The following WDR49 variants were observed in gnomAD, a reference collection of about 807,000 sequenced individuals.
The protein encoded by WDR49 is cilia- and flagella-associated protein 337.
In WDR49, 107 loss-of-function variants were observed where a neutral mutation model predicts 119.5. The ratio of observed to expected loss-of-function variants is 0.90; its 90% CI spans 0.77 to 1.05. WDR49 has a LOEUF of 1.05. Ranked by LOEUF, WDR49 falls within the 50% of genes least tolerant of loss-of-function variation. The probability of loss-of-function intolerance (pLI) is 0.00; values close to 1 mark genes in which losing one functional copy is unlikely to be tolerated. For synonymous variants in WDR49, 425 were observed against 418.8 expected (o/e 1.01, Z -0.18); for missense variants, 1,240 against 1,220.5 (o/e 1.02, Z -0.24).
chr3:167,577,527 T>C (rs1276091957), intron 7 of WDR49, among the ~76,000 whole-genome samples: 1 of 152,140 alleles, frequency 6.6e-6, no homozygotes, highest in Non-Finnish European at 1.5e-5. Flanking sequence ...CAATAAGTTT[T>C]TTTTTTAATC....
In WDR49 at chr3:167,499,932, C is replaced by A. The variant is rs149939351; in HGVS notation, c.3031+221G>T. On this transcript the variant is annotated intron_variant, in intron 18 of 18. Transcript: ENST00000682715. ...TGGCATTCTAACTTCAGAAAAGGAA[C>A]AAAATAAAAATATTCATTTCATATA... 2.4e-4 allele frequency among the ~76,000 whole-genome samples: 37 copies of A among 152,212 alleles called. No individual in the cohort carries two copies. The East Asian group carries it at 7.0e-3, about 29-fold the overall frequency.
chr3:167,554,629 TA>T lies in WDR49; in HGVS notation c.1823+20del. On this transcript the variant is annotated intron_variant, in intron 10 of 18. Transcript: ENST00000682715. ...TTTTTCTTTTAGATTTTGATTAAAA[TA>T]AAAACATTCTCCTTTTTACCTTCCT... 7.1e-7 allele frequency: 1 copy of T among 1,406,696 alleles called. No homozygotes were observed. Among genetic ancestry groups the T allele is most frequent in the African/African-American group, 1.5e-5 (1 of 68,604 alleles). 87.1% of individuals were successfully genotyped at this position (1,406,696 alleles called of 1,614,324 possible).
intron 2 of WDR49, among the ~76,000 whole-genome samples, chr3:167,629,330 T>A (rs551062814): frequency 1.3e-5 from 2 of 152,254 alleles, no homozygotes; most frequent in Admixed American, 1.3e-4. Flanking sequence ...ATACATGGTT[T>A]ACTGAATATA....
chr3:167,507,912 C>T (rs1360802474), intron 16 of WDR49, among the ~76,000 whole-genome samples: 1 of 151,972 alleles, frequency 6.6e-6, no homozygotes, highest in East Asian at 1.9e-4. Context: ...GGCAAATATT[C>T]TCAAGAGGAG....
At chr3:167,566,309 G>C (rs1713593117) in intron 8 of WDR49, among the ~76,000 whole-genome samples, 1 of 152,080 alleles carries the variant, frequency 6.6e-6, no homozygotes, top group African/African-American at 2.4e-5. Flanking sequence ...TACATTATTT[G>C]TAACAAAAAC....
intron 7 of WDR49, among the ~76,000 whole-genome samples, chr3:167,600,735 A>T (rs949841871): frequency 1.3e-5 from 2 of 152,244 alleles, no homozygotes; most frequent in African/African-American, 4.8e-5. Flanking sequence ...GACTTCAAAA[A>T]GTCTAAAATG....
chr3:167,500,111 C>T, intron 18 of WDR49, 42 bp downstream of exon 18: 1 of 1,488,952 alleles, frequency 6.7e-7, no homozygotes, highest in African/African-American at 1.4e-5. Context: ...ACTAAGTTTC[C>T]TGAAGAGGGA....
intron 9 of WDR49, among the ~76,000 whole-genome samples, chr3:167,557,064 G>A (rs1712976687): frequency 6.6e-6 from 1 of 151,938 alleles, no homozygotes; most frequent in Admixed American, 6.6e-5. Context: ...GAGCATGGTG[G>A]TGCACACCTG....
At chr3:167,605,027 T>C (rs1396998493) in intron 5 of WDR49, among the ~76,000 whole-genome samples, 2 of 151,558 alleles carry the variant, frequency 1.3e-5, no homozygotes, top group Non-Finnish European at 2.9e-5. Flanking sequence ...TGTGTGTGTG[T>C]GTGTGTGTGT....
rs533745051 is a variant in WDR49 at position 167,525,058 on chromosome 3, T to G, written c.2605-2574A>C. On this transcript the variant is annotated intron_variant, in intron 15 of 18. Transcript: ENST00000682715. ...CATGAGCATGGAGTGTTTTTCCATT[T>G]GTTTGTGTCCTCCCTGATTTCCTTG... 1.3e-5 allele frequency among the ~76,000 whole-genome samples: 2 copies of G among 152,300 alleles called. 1 individual carries two copies. Among genetic ancestry groups the G allele is most frequent in the South Asian group, 4.1e-4 (2 of 4,826 alleles).
chr3:167,559,670 AAGTTT>A (rs1713145468), intron 9 of WDR49, among the ~76,000 whole-genome samples: 1 of 152,196 alleles, frequency 6.6e-6, no homozygotes, highest in Non-Finnish European at 1.5e-5. Flanking sequence ...CCATTTTTTA[AAGTTT>A]AGTTAAGTGT....
rs1718500855 is a variant in WDR49, at chr3:167,653,845, T to G, written c.-86A>C. On this transcript the variant is annotated 5_prime_UTR_variant, in exon 1 of 19. Transcript: ENST00000682715. ...TCTCTTTAACTAACCTTGCTTCCAT[T>G]AACATGTTGTAGTTTTCAATTCCAC... 6.4e-6 allele frequency: 1 copy of G among 155,200 alleles called. No individual in the cohort carries two copies. Among genetic ancestry groups the G allele is most frequent in the Non-Finnish European group, 1.4e-5 (1 of 69,946 alleles). 9.6% of individuals were successfully genotyped at this position (155,200 alleles called of 1,614,324 possible).
rs1470739135 is a variant in WDR49 at position 167,521,969 on chromosome 3, GATAGAT to G, written c.2774+340_2774+345del. On this transcript the variant is annotated intron_variant, in intron 16 of 18. Coordinates refer to ENST00000682715, the MANE Select transcript of WDR49 (RefSeq NM_001366157.1). Reference sequence around the variant, plus strand: ...AAAATCTGATACACATTCTAAGATAGATAGATAGATAGATAGATAGATAGATAGATA... The same window carrying G: ...AAAATCTGATACACATTCTAAGATAGAGATAGATAGATAGATAGATAGATA... Among the ~76,000 whole-genome samples, 6 of 80,064 alleles carry G rather than the reference GATAGAT, an allele frequency of 7.5e-5. No individual in the cohort carries two copies. The East Asian group carries it at 3.0e-3, about 40-fold the overall frequency. The allele number at this position is 80,064 out of a possible 152,430, so 52.5% of individuals were successfully genotyped here.
At chr3:167,520,078 A>AGTGT (rs1278824971) in intron 16 of WDR49, among the ~76,000 whole-genome samples, 6 of 107,348 alleles carry the variant, frequency 5.6e-5, no homozygotes. Flanking sequence ...TAAAGAAAAA[A>AGTGT]ATGTGTGTGT....
At chr3:167,642,223 C>T (rs1414256504) in intron 2 of WDR49, among the ~76,000 whole-genome samples, 1 of 151,830 alleles carries the variant, frequency 6.6e-6, no homozygotes, top group Non-Finnish European at 1.5e-5. Context: ...TACACAACCA[C>T]ACAGTAAGAG....
At chr3:167,640,037 C>T (rs1422337837) in intron 2 of WDR49, among the ~76,000 whole-genome samples, 2 of 151,786 alleles carry the variant, frequency 1.3e-5, no homozygotes, top group African/African-American at 4.8e-5. Flanking sequence ...TTTATTATTT[C>T]CCTTCCCTTC....
At chr3:167,635,375 G>A (rs1717562948) in intron 2 of WDR49, among the ~76,000 whole-genome samples, 1 of 151,688 alleles carries the variant, frequency 6.6e-6, no homozygotes, top group Admixed American at 6.6e-5. Flanking sequence ...TCGATTGGTT[G>A]CTAAAGTATA....
intron 7 of WDR49, among the ~76,000 whole-genome samples, chr3:167,594,141 A>G (rs770186681): frequency 6.6e-6 from 1 of 152,202 alleles, no homozygotes; most frequent in Non-Finnish European, 1.5e-5. Flanking sequence ...GAGTGCTGCT[A>G]TAAAGATACC....
intron 7 of WDR49, among the ~76,000 whole-genome samples, chr3:167,597,214 A>G (rs2108301515): frequency 6.6e-6 from 1 of 152,282 alleles, no homozygotes; most frequent in East Asian, 1.9e-4. Context: ...CTCCAGCCTT[A>G]GCTAAAAGGG....
Sources: allele counts gnomAD v4.1 joint callset (sites outside exome capture counted in the v4.1 genomes callset), GRCh38; gene constraint gnomAD v4.1.1; transcripts MANE v1.5; gene names NCBI Gene and HGNC (gene_info 2026-07-23, HGNC 2026-07-21).